Variants in PTPRN2 observed in about 807,000 individuals in gnomAD.
PTPRN2 encodes the protein protein tyrosine phosphatase receptor type N2, also known as receptor-type tyrosine-protein phosphatase N2.
Under a neutral mutation model 118.8 loss-of-function variants are expected in PTPRN2, and 74 were observed. That is an observed-to-expected ratio of 0.62 (90% CI 0.52 to 0.76). The LOEUF is 0.76. PTPRN2 is among the 30% of genes least tolerant of loss of function. The pLI is 0.00. For synonymous variants in PTPRN2, 641 were observed against 608.0 expected, an observed-to-expected ratio of 1.05 and a Z score of -0.80; for missense variants, 1,481 against 1,394.4, an observed-to-expected ratio of 1.06 and a Z score of -0.99.
At chr7:158,189,646 CTT>C (rs891894622) in intron 5 of PTPRN2, among the ~76,000 whole-genome samples, 13 of 152,236 alleles carry the variant, frequency 8.5e-5, no homozygotes, top group Non-Finnish European at 1.5e-4. Context: ...GTCTCTGAAA[CTT>C]TTAATGACGC....
intron 12 of PTPRN2, among the ~76,000 whole-genome samples, chr7:157,889,843 C>A (rs1029866254): frequency 1.3e-5 from 2 of 152,242 alleles, no homozygotes; most frequent in Non-Finnish European, 2.9e-5. Flanking sequence ...TAAAGCTCTC[C>A]TTTCCCAATT....
At chr7:157,725,478 C>T (rs866747077) in intron 12 of PTPRN2, among the ~76,000 whole-genome samples, 2 of 89,776 alleles carry the variant, frequency 2.2e-5, no homozygotes, top group African/African-American at 5.5e-5. Context: ...GCCAGACCCT[C>T]ACCTCCCAGG....
chr7:158,551,577 CA>C (rs1197496356), intron 1 of PTPRN2, among the ~76,000 whole-genome samples: 2 of 124,750 alleles, frequency 1.6e-5, no homozygotes, highest in Non-Finnish European at 3.4e-5. Flanking sequence ...CCCATCACAT[CA>C]GGGGTGGGGT....
rs1011011011 is a variant in PTPRN2, at chr7:157,905,614, C to T, written c.1724-6877G>A. 3.9e-5 allele frequency among the ~76,000 whole-genome samples: 6 copies of T among 152,198 alleles called. No individual in the cohort carries two copies. The East Asian group carries it at 7.7e-4, about 20-fold the overall frequency. On this transcript the variant is annotated intron_variant, in intron 11 of 22. Coordinates refer to ENST00000389418, the MANE Select transcript of PTPRN2 (RefSeq NM_002847.5). ...TTTAATTTATCAGACTAATTCTTTG[C>T]ACTTGACAATTTATGCAGCATTCCA...
rs536122937 is a variant in PTPRN2, at chr7:157,977,234, G to T, written c.1724-78497C>A. Among the ~76,000 whole-genome samples, 3 of 151,974 alleles carry T rather than the reference G, an allele frequency of 2.0e-5. No individual in the cohort carries two copies. Among genetic ancestry groups the T allele is most frequent in the Non-Finnish European group, 4.4e-5 (3 of 67,966 alleles). On this transcript the variant is annotated intron_variant, in intron 11 of 22. Coordinates refer to ENST00000389418, the MANE Select transcript of PTPRN2 (RefSeq NM_002847.5). The surrounding 1 kb of genome is among the most constrained non-coding windows in gnomAD (Gnocchi z 4.6). ...GGGGACTCCCTGGTGTGACCCACAG[G>T]TAGGGTGGCTGTGCCCCATGAAGCT...
intron 1 of PTPRN2, among the ~76,000 whole-genome samples, chr7:158,547,387 C>T (rs1368491473): frequency 6.6e-6 from 1 of 151,530 alleles, no homozygotes; most frequent in Non-Finnish European, 1.5e-5. Flanking sequence ...CCCAATCCTA[C>T]GTTGACTCCC....
In PTPRN2 at chr7:157,835,807, T is replaced by C. The variant is rs113298822; in HGVS notation, c.1788+62866A>G. 5.7e-4 allele frequency among the ~76,000 whole-genome samples: 87 copies of C among 152,308 alleles called. 1 individual carries two copies. Among genetic ancestry groups the C allele is most frequent in the African/African-American group, 2.1e-3 (86 of 41,562 alleles). ...TGATCCAGATACATTAACACATTAATGGAACCATAAAAATAACAAATAAAA... is the reference window on the plus strand; with the variant it reads ...TGATCCAGATACATTAACACATTAACGGAACCATAAAAATAACAAATAAAA... On this transcript the variant is annotated intron_variant, in intron 12 of 22. Transcript: ENST00000389418.
At chr7:157,892,472 TC>T (rs1408358998) in intron 12 of PTPRN2, among the ~76,000 whole-genome samples, 1 of 152,230 alleles carries the variant, frequency 6.6e-6, no homozygotes, top group Non-Finnish European at 1.5e-5. Flanking sequence ...TCTGTTCATT[TC>T]CTTTAAATTT....
At chr7:157,822,506 A>G (rs1055659929) in intron 12 of PTPRN2, among the ~76,000 whole-genome samples, 6 of 151,582 alleles carry the variant, frequency 4.0e-5, no homozygotes, top group Non-Finnish European at 7.4e-5. Flanking sequence ...ATCCACCTAT[A>G]TATTAGCCAT....
In PTPRN2 at chr7:158,362,979, A is replaced by G. The variant is rs182409719; in HGVS notation, c.164-46047T>C. Among the ~76,000 whole-genome samples the G allele has an allele frequency of 3.4e-3, 512 of 152,302 alleles. 5 individuals are homozygous for G. Among genetic ancestry groups the G allele is most frequent in the African/African-American group, 0.012 (496 of 41,574 alleles). ...TGGAGACACAATCGCAATTCAGGCC[A>G]CCATGTTGTAGGTGGCCCTGGTCCC... On this transcript the variant is annotated intron_variant, in intron 2 of 22. Transcript: ENST00000389418.
At chr7:158,242,514 TC>T (rs1175126217) in intron 3 of PTPRN2, among the ~76,000 whole-genome samples, 1 of 152,238 alleles carries the variant, frequency 6.6e-6, no homozygotes, top group Non-Finnish European at 1.5e-5. Flanking sequence ...GGAGTGTTTG[TC>T]TGGCTTTGGC....
intron 14 of PTPRN2, among the ~76,000 whole-genome samples, chr7:157,646,298 T>G (rs370786367): frequency 6.6e-6 from 1 of 152,074 alleles, no homozygotes; most frequent in Non-Finnish European, 1.5e-5. Context: ...GTCCTCAGGA[T>G]AGTGAGCAGG....
intron 2 of PTPRN2, among the ~76,000 whole-genome samples, chr7:158,418,424 T>A (rs1352282778): frequency 6.7e-6 from 1 of 148,508 alleles, no homozygotes; most frequent in Non-Finnish European, 1.5e-5. Context: ...CATGGTGTAC[T>A]ACATCGAGAT....
intron 12 of PTPRN2, among the ~76,000 whole-genome samples, chr7:157,686,462 A>T (rs1490498019): frequency 6.6e-6 from 1 of 152,162 alleles, no homozygotes. Flanking sequence ...CATGGCCTTT[A>T]AGAGAAAGAA....
chr7:157,824,578 G>A (rs1807053128), intron 12 of PTPRN2, among the ~76,000 whole-genome samples: 1 of 152,334 alleles, frequency 6.6e-6, no homozygotes, highest in East Asian at 1.9e-4. Context: ...ACTCTGGACT[G>A]TTGGCAACTG....
At chr7:158,375,304 A>C (rs1456996968) in intron 2 of PTPRN2, among the ~76,000 whole-genome samples, 1 of 152,220 alleles carries the variant, frequency 6.6e-6, no homozygotes, top group Non-Finnish European at 1.5e-5. Context: ...CTCATTCAGC[A>C]AATGTTTACA....
chr7:158,152,199 T>C (rs1447072784), intron 6 of PTPRN2, among the ~76,000 whole-genome samples: 1 of 108,370 alleles, frequency 9.2e-6, no homozygotes, highest in Non-Finnish European at 2.0e-5. Context: ...AAACCATGAA[T>C]GCACAGAATA....
rs1284930318 is a variant in PTPRN2, at chr7:158,177,283, G to A, written c.550-9992C>T. ...TTTTTTTAATTTTAGCCAATCTAGT[G>A]ACATGAAGTGGTTGTTCTTTATGGT... is the stretch of plus-strand genomic sequence containing the variant. On this transcript the variant is annotated intron_variant, in intron 5 of 22. Transcript: ENST00000389418. 1.2e-4 allele frequency among the ~76,000 whole-genome samples: 18 copies of A among 152,220 alleles called. No homozygotes were observed. In the South Asian group the frequency reaches 3.7e-3, roughly 32 times the overall value.
chr7:157,955,546 T>C (rs533528060), intron 11 of PTPRN2, among the ~76,000 whole-genome samples: 42 of 152,250 alleles, frequency 2.8e-4, no homozygotes, highest in Non-Finnish European at 4.6e-4. Context: ...ACTCCTCAAT[T>C]CTGCACCTGC....
Sources: gnomAD v4.1 joint callset for allele counts (sites outside exome capture counted in the v4.1 genomes callset) on GRCh38, gnomAD v4.1.1 for gene constraint, Gnocchi (gnomAD v3.1) non-coding constraint, MANE v1.5 for transcripts, NCBI Gene and HGNC (gene_info 2026-07-23, HGNC 2026-07-21) for gene names.